BHMT: variants seen among roughly 807,000 people sequenced by gnomAD.
The protein encoded by BHMT is betaine--homocysteine S-methyltransferase 1.
Under a neutral mutation model 49.5 loss-of-function variants are expected in BHMT, and 38 were observed. The ratio of observed to expected loss-of-function variants is 0.77; its 90% CI spans 0.59 to 1.01. The LOEUF (loss-of-function observed/expected upper bound fraction) is 1.01, where lower values mean the gene tolerates loss of function less well. Among genes scored for constraint, BHMT ranks in the 50% least tolerant of loss-of-function variants. The pLI is 0.00. For synonymous variants in BHMT, 166 were observed against 176.3 expected, an observed-to-expected ratio of 0.94 and a Z score of 0.46; for missense variants, 426 against 495.7, an observed-to-expected ratio of 0.86 and a Z score of 1.34.
At chr5:79,128,529 T>A (rs35884202) in intron 7 of BHMT, among the ~76,000 whole-genome samples, 89,349 of 139,664 alleles carry the variant, frequency 0.64, 28,837 homozygotes, top group Admixed American at 0.76. Flanking sequence ...GACCCTGTTT[T>A]AAAAAAAAAA....
rs144192234 is a variant in BHMT at position 79,118,802 on chromosome 5, T to C, written c.167-457T>C. On this transcript the variant is annotated intron_variant, in intron 2 of 7. Transcript: ENST00000274353. The stretch of plus-strand genomic sequence containing the variant: ...TGAATTCTTCCAAGTGCAGCTCAAA[T>C]GATTCCTCATCTTTGGACCTCCTTC... Among the ~76,000 whole-genome samples, 1,039 of 152,326 alleles carry C rather than the reference T, an allele frequency of 6.8e-3. 11 individuals carry two copies. Among genetic ancestry groups the C allele is most frequent in the Non-Finnish European group, 8.4e-3 (569 of 68,036 alleles).
At position 79,120,416 on chromosome 5, in the gene BHMT, G is replaced by A. The variant is rs143655897; in HGVS notation, c.352G>A (p.Val118Ile). The change falls in exon 4 of 8, where the codon GTA becomes ATA. Residue 118 changes from valine (V) to isoleucine (I), a missense_variant. By Grantham distance (29) the Val-to-Ile change is conservative. Transcript: ENST00000274353. ...RQVADEGDAL[V>I]AGGVSQTPSY... Reference sequence around the variant, plus strand: ...AGTGGCTGATGAAGGAGATGCTTTGGTAGCAGGAGGAGTGAGTCAGACACC... The same window carrying A: ...AGTGGCTGATGAAGGAGATGCTTTGATAGCAGGAGGAGTGAGTCAGACACC... 4.0e-5 allele frequency: 64 copies of A among 1,613,894 alleles called. 1 individual carries two copies. The highest frequency in any genetic ancestry group is 5.0e-5 in the Non-Finnish European group (59 of 1,179,972).
chr5:79,128,964 G>A (rs965291250), intron 7 of BHMT, among the ~76,000 whole-genome samples: 1 of 152,194 alleles, frequency 6.6e-6, no homozygotes, highest in Admixed American at 6.5e-5. Flanking sequence ...AGTAACAAGA[G>A]AAGAGAATGA....
At chr5:79,128,662 G>A (rs1290809133) in intron 7 of BHMT, among the ~76,000 whole-genome samples, 3 of 152,100 alleles carry the variant, frequency 2.0e-5, no homozygotes, top group African/African-American at 7.2e-5. Context: ...TAAGAGTTAA[G>A]GACCACTTAA....
Position 79,113,244 on chromosome 5 carries a change from C to A in BHMT, c.33+1326C>A, listed in dbSNP as rs34504683. Among the ~76,000 whole-genome samples, 134 of 152,238 alleles carry A rather than the reference C, an allele frequency of 8.8e-4. 1 individual carries two copies. The highest frequency in any genetic ancestry group is 1.3e-3 in the Non-Finnish European group (88 of 68,022). ...AAAGGAGGGTGAGAATTTCGCCAGT[C>A]CCTAAATGTACTAAATGAATAGTCC... On this transcript the variant is annotated intron_variant, in intron 1 of 7. Coordinates refer to ENST00000274353, the MANE Select transcript of BHMT (RefSeq NM_001713.3).
At chr5:79,122,769 T>TAC (rs1018128734) in intron 5 of BHMT, among the ~76,000 whole-genome samples, 4 of 152,068 alleles carry the variant, frequency 2.6e-5, no homozygotes, top group African/African-American at 4.8e-5. Flanking sequence ...TACATAGGTA[T>TAC]ACACACACAT....
intron 5 of BHMT, 36 bp from the exon 6 acceptor site, chr5:79,126,010 G>A (rs368015625): frequency 3.2e-6 from 5 of 1,564,398 alleles, no homozygotes; most frequent in Admixed American, 1.9e-5. Flanking sequence ...GGTTTCTGGT[G>A]CATCCCTAAG....
chr5:79,119,612 C>T lies in BHMT; in HGVS notation c.285+235C>T, dbSNP rs1313774950. On this transcript the variant is annotated intron_variant, in intron 3 of 7. Transcript: ENST00000274353. ...GAGGTATTTAATGATTAATGATTCT[C>T]CCAGTCTCTTGACTAAGTTGCTGAG... The T allele has an allele frequency of 2.3e-5, 8 of 352,828 alleles. No individual in the cohort carries two copies. In the Admixed American group the frequency reaches 3.1e-4, roughly 14 times the overall value. The allele number at this position is 352,828 out of a possible 1,614,324, so 21.9% of individuals were successfully genotyped here.
At chr5:79,125,038 A>G (rs1172603000) in intron 5 of BHMT, among the ~76,000 whole-genome samples, 1 of 152,242 alleles carries the variant, frequency 6.6e-6, no homozygotes, top group Non-Finnish European at 1.5e-5. Context: ...AGTATGGTAA[A>G]CACAGGTGTA....
At chr5:79,118,875 T>C (rs187035821) in intron 2 of BHMT, among the ~76,000 whole-genome samples, 20 of 152,346 alleles carry the variant, frequency 1.3e-4, no homozygotes, top group African/African-American at 4.6e-4. Flanking sequence ...TCTTCCTGCA[T>C]AGCCCAACCA....
chr5:79,127,790 C>A lies in BHMT; in HGVS notation c.844C>A (p.Gln282Lys), dbSNP rs1424841616. Residue 282 changes from glutamine (Q) to lysine (K), a missense_variant, in exon 7 of 8, where the codon CAA becomes AAA. Coordinates refer to ENST00000274353, the MANE Select transcript of BHMT (RefSeq NM_001713.3). ...EPRVATRWDI[Q>K]KYAREAYNLG... ...CAGAGTTGCCACCAGATGGGATATT[C>A]AAAAATACGCCAGAGAGGCCTACAA... is the stretch of plus-strand genomic sequence containing the variant. 1 of 1,614,042 alleles carries A rather than the reference C, an allele frequency of 6.2e-7. No individual in the cohort carries two copies. The highest frequency in any genetic ancestry group is 1.7e-5 in the Admixed American group (1 of 60,012).
chr5:79,121,817 T>TAAA (rs34861837), intron 5 of BHMT, among the ~76,000 whole-genome samples: 99 of 126,200 alleles, frequency 7.8e-4, no homozygotes, highest in African/African-American at 2.4e-3. Context: ...TCCGTCTCAA[T>TAAA]AAAAAAAAAA....
chr5:79,112,258 G>T (rs1014283953), intron 1 of BHMT, among the ~76,000 whole-genome samples: 13 of 152,224 alleles, frequency 8.5e-5, no homozygotes, highest in African/African-American at 3.1e-4. Context: ...CTCCCTGACG[G>T]CTGGGTGTCC....
At chr5:79,124,928 C>A (rs1047402049) in intron 5 of BHMT, among the ~76,000 whole-genome samples, 4 of 152,122 alleles carry the variant, frequency 2.6e-5, no homozygotes, top group African/African-American at 9.7e-5. Flanking sequence ...GTCTAAAAAA[C>A]TTTTTTCTAA....
rs752508939 is a variant in BHMT at position 79,119,258 on chromosome 5, G to C, written c.167-1G>C. On this transcript the variant is annotated splice_acceptor_variant, in intron 2 of 7. Coordinates refer to ENST00000274353, the MANE Select transcript of BHMT (RefSeq NM_001713.3). LOFTEE classifies it high-confidence loss of function. The stretch of plus-strand genomic sequence containing the variant: ...ATACCTTTCCTCATTCACTCTCCCA[G>C]TTCGCCAGCTTCATCGAGAGTTCCT... The C allele has an allele frequency of 6.2e-7, 1 of 1,600,950 alleles. No homozygotes were observed. Among genetic ancestry groups the C allele is most frequent in the South Asian group, 1.1e-5 (1 of 88,386 alleles).
At position 79,121,261 on chromosome 5, in the gene BHMT, T is replaced by C. The variant is rs774676302; in HGVS notation, c.521T>C (p.Leu174Ser). ...GAAGCTGTGTGGGCAGTTGAAACCT[T>C]GATAGCATCCGGTAAACCTGTGGCA... ...VEEAVWAVETLIASGKPVAAT... is the reference protein window; with the variant it reads ...VEEAVWAVETSIASGKPVAAT... The change falls in exon 5 of 8, where the codon TTG becomes TCG. Residue 174 changes from leucine to serine, a missense_variant. Physicochemically the swap from Leu to Ser is moderately radical, Grantham distance 145 (BLOSUM62 -2). Coordinates refer to ENST00000274353, the MANE Select transcript of BHMT (RefSeq NM_001713.3). The C allele has an allele frequency of 6.2e-7, 1 of 1,614,178 alleles. No individual in the cohort carries two copies. The highest frequency in any genetic ancestry group is 2.2e-5 in the East Asian group (1 of 44,874).
At chr5:79,123,446 C>T (rs192326620) in intron 5 of BHMT, among the ~76,000 whole-genome samples, 34 of 152,334 alleles carry the variant, frequency 2.2e-4, no homozygotes, top group Non-Finnish European at 4.6e-4. Flanking sequence ...ATCTCTCTTG[C>T]TCTTGTTCTT....
intron 5 of BHMT, 55 bp downstream of exon 5, chr5:79,121,420 G>A: frequency 6.3e-7 from 1 of 1,597,662 alleles, no homozygotes; most frequent in Admixed American, 1.7e-5. Context: ...GAACACACTA[G>A]TGCACATCTG....
At chr5:79,127,697 C>T (rs1399582047) in intron 6 of BHMT, 58 bp from the exon 7 acceptor site, 2 of 1,559,690 alleles carry the variant, frequency 1.3e-6, no homozygotes, top group Non-Finnish European at 1.7e-6. Context: ...AGCTACTTAT[C>T]TTGAATTTTT....
Sources: gnomAD v4.1 joint callset for allele counts (sites outside exome capture counted in the v4.1 genomes callset) on GRCh38, gnomAD v4.1.1 for gene constraint, MANE v1.5 for transcripts, NCBI Gene and HGNC (gene_info 2026-07-23, HGNC 2026-07-21) for gene names.